LOC128125822: variants seen among roughly 807,000 people sequenced by gnomAD.
the LOC128125822 span, among the ~76,000 whole-genome samples, chr6:63,575,303 C>G: frequency 6.6e-6 from 1 of 152,160 alleles, no homozygotes; most frequent in Admixed American, 6.5e-5. Flanking sequence ...AATTACTGCT[C>G]TTGTTAACCT....
chr6:63,580,793 T>G, the LOC128125822 span: 1 of 152,412 alleles, frequency 6.6e-6, no homozygotes, highest in Non-Finnish European at 1.5e-5. Context: ...TCTCACTTTG[T>G]GCTGTATTAA....
At chr6:63,573,431 C>T in the LOC128125822 span, 1 of 152,144 alleles carries the variant, frequency 6.6e-6, no homozygotes, top group African/African-American at 2.4e-5. Context: ...GGACCCGAGC[C>T]TCAGACAAAA....
chr6:63,578,289 T>C, the LOC128125822 span: 7 of 1,017,066 alleles, frequency 6.9e-6, no homozygotes, highest in Non-Finnish European at 9.1e-6. Flanking sequence ...AATTTGCTTT[T>C]GTGTTAAACA....
At chr6:63,572,836 T>A in the LOC128125822 span, 1 of 395,076 alleles carries the variant, frequency 2.5e-6, no homozygotes, top group South Asian at 1.3e-4. Context: ...GGGTTGCGGT[T>A]CCGGTGGGTC....
the LOC128125822 span, chr6:63,572,815 C>T: frequency 2.5e-6 from 1 of 396,656 alleles, no homozygotes; most frequent in Non-Finnish European, 4.5e-6. Context: ...GCGTCTCCTC[C>T]AGGTTGCCCC....
chr6:63,576,090 T>C, the LOC128125822 span, among the ~76,000 whole-genome samples: 1 of 149,888 alleles, frequency 6.7e-6, no homozygotes, highest in Non-Finnish European at 1.5e-5. Flanking sequence ...TATAATTATA[T>C]ATTATATATA....
chr6:63,576,960 A>G, the LOC128125822 span: 11 of 1,613,584 alleles, frequency 6.8e-6, no homozygotes, highest in Non-Finnish European at 9.3e-6. Flanking sequence ...AATCCAACCA[A>G]TGCGACCTTA....
At chr6:63,575,917 A>C in the LOC128125822 span, among the ~76,000 whole-genome samples, 1 of 152,116 alleles carries the variant, frequency 6.6e-6, no homozygotes, top group Admixed American at 6.5e-5. Context: ...TAGATGTTTC[A>C]GTTTATGAGT....
At chr6:63,581,109 G>A in the LOC128125822 span, 1 of 151,838 alleles carries the variant, frequency 6.6e-6, no homozygotes, top group East Asian at 1.9e-4. Context: ...TATCAGAAGT[G>A]TGTTTACCAA....
the LOC128125822 span, chr6:63,578,750 A>C: frequency 9.0e-7 from 1 of 1,110,742 alleles, no homozygotes; most frequent in Admixed American, 3.5e-5. Flanking sequence ...GCATTTAGTC[A>C]CATTTGGTAG....
chr6:63,579,212 A>G, the LOC128125822 span: 1 of 1,546,016 alleles, frequency 6.5e-7, no homozygotes, highest in South Asian at 1.2e-5. Flanking sequence ...ATTTACAAAG[A>G]TCTGATTTTG....
chr6:63,576,582 A>T, the LOC128125822 span: 9 of 464,662 alleles, frequency 1.9e-5, no homozygotes, highest in Admixed American at 3.9e-5. Flanking sequence ...AAGAGTGGTT[A>T]TCCTGGACAC....
chr6:63,582,262 A>T, the LOC128125822 span: 1 of 152,554 alleles, frequency 6.6e-6, no homozygotes, highest in African/African-American at 2.4e-5. Flanking sequence ...CTAAATGTTA[A>T]ACTATTACCA....
the LOC128125822 span, chr6:63,579,157 G>T: frequency 1.4e-6 from 2 of 1,381,358 alleles, no homozygotes; most frequent in South Asian, 1.4e-5. Flanking sequence ...AAATAGGAAG[G>T]GTGGTAGATA....
chr6:63,576,840 T>A, the LOC128125822 span: 5 of 1,507,428 alleles, frequency 3.3e-6, no homozygotes, highest in Non-Finnish European at 4.5e-6. Flanking sequence ...ATTTTTTTAA[T>A]TATTTCATAA....
the LOC128125822 span, chr6:63,576,401 CTT>C: frequency 5.0e-6 from 2 of 399,138 alleles, no homozygotes; most frequent in Non-Finnish European, 8.8e-6. Flanking sequence ...TGGAAAATAA[CTT>C]ATTCTCTCTT....
At chr6:63,578,609 T>G in the LOC128125822 span, 3 of 1,513,700 alleles carry the variant, frequency 2.0e-6, no homozygotes, top group South Asian at 1.3e-5. Context: ...AATAAATATC[T>G]ATTTAAGTCA....
chr6:63,582,345 T>A, the LOC128125822 span: 1 of 152,658 alleles, frequency 6.6e-6, no homozygotes, highest in African/African-American at 2.4e-5. Flanking sequence ...AAACTATCTT[T>A]TGAGTTTGAA....
At chr6:63,578,576 A>T in the LOC128125822 span, 1 of 1,571,470 alleles carries the variant, frequency 6.4e-7, no homozygotes, top group Admixed American at 2.2e-5. Flanking sequence ...GTGCTACAAA[A>T]GTTTATTCAA....
Sources: gnomAD v4.1 joint callset for allele counts (sites outside exome capture counted in the v4.1 genomes callset) on GRCh38, gnomAD v4.1.1 for gene constraint, MANE v1.5 for transcripts.